The following NCOR2 variants were observed in gnomAD, a reference collection of about 807,000 sequenced individuals.
The protein encoded by NCOR2 is nuclear receptor corepressor 2.
A neutral mutation model predicts 262.9 loss-of-function variants in NCOR2; 81 were observed. The observed-to-expected ratio is 0.31, with a 90% CI of 0.26 to 0.37. The LOEUF (loss-of-function observed/expected upper bound fraction) is 0.37, where lower values mean the gene tolerates loss of function less well. Among genes scored for constraint, NCOR2 ranks in the 10% least tolerant of loss-of-function variants. The pLI is 1.00. For synonymous variants in NCOR2, 1,659 were observed against 1,559.3 expected, an observed-to-expected ratio of 1.06 and a Z score of -1.51; for missense variants, 3,385 against 3,621.4, an observed-to-expected ratio of 0.93 and a Z score of 1.68.
intron 20 of NCOR2, among the ~76,000 whole-genome samples, chr12:124,371,173 G>T (rs1421962345): frequency 2.6e-5 from 4 of 151,380 alleles, no homozygotes; most frequent in Non-Finnish European, 5.9e-5. Flanking sequence ...GCCCCCACCT[G>T]CCAGGGCGTG....
intron 3 of NCOR2, among the ~76,000 whole-genome samples, chr12:124,479,746 G>A (rs1427966534): frequency 1.3e-5 from 2 of 152,370 alleles, no homozygotes; most frequent in East Asian, 1.9e-4. Flanking sequence ...GCTAATGGGG[G>A]ATGCCAGGCA....
chr12:124,372,585 G>A (rs778906899), exon 20 of NCOR2: 18 of 1,598,124 alleles, frequency 1.1e-5, no homozygotes, highest in Admixed American at 5.0e-5. Context: ...GGATGCTCTC[G>A]GTGTCTGAGC....
At chr12:124,360,275 T>TA (rs2038445612) in intron 22 of NCOR2, among the ~76,000 whole-genome samples, 1 of 152,226 alleles carries the variant, frequency 6.6e-6, no homozygotes, top group Non-Finnish European at 1.5e-5. Context: ...AGCCCAGCCC[T>TA]GGTCATGGGG....
chr12:124,334,150 G>A (rs1231919643), intron 41 of NCOR2, among the ~76,000 whole-genome samples: 1 of 152,246 alleles, frequency 6.6e-6, no homozygotes, highest in Non-Finnish European at 1.5e-5. Context: ...TGTGAAATGG[G>A]GAGAATGCTG....
exon 46 of NCOR2, chr12:124,326,251 C>A: frequency 6.4e-7 from 1 of 1,554,358 alleles, no homozygotes; most frequent in East Asian, 2.4e-5. Context: ...CGGTTGCAGT[C>A]TCCCTCCGAG....
At chr12:124,385,031 G>T (rs2040694028) in intron 17 of NCOR2, among the ~76,000 whole-genome samples, 1 of 152,158 alleles carries the variant, frequency 6.6e-6, no homozygotes. Context: ...CAAAGAGGGA[G>T]AAAGGAGGGA....
chr12:124,349,690 C>G (rs764006183), intron 28 of NCOR2, among the ~76,000 whole-genome samples: 1 of 152,164 alleles, frequency 6.6e-6, no homozygotes, highest in Non-Finnish European at 1.5e-5. Context: ...ATGATGAAGA[C>G]GATACGCTGA....
upstream of NCOR2, chr12:124,538,984 A>C (rs2051204076): frequency 6.6e-6 from 1 of 152,304 alleles, no homozygotes; most frequent in Non-Finnish European, 1.5e-5. Context: ...CCAGGATCCA[A>C]ACCCAGGACC....
intron 13 of NCOR2, among the ~76,000 whole-genome samples, chr12:124,412,173 T>C (rs1405377795): frequency 6.6e-6 from 1 of 152,240 alleles, no homozygotes; most frequent in African/African-American, 2.4e-5. Context: ...AGACGTCCCA[T>C]GGCCAGCACT....
intron 3 of NCOR2, among the ~76,000 whole-genome samples, chr12:124,479,299 C>T (rs1254005432): frequency 6.6e-6 from 1 of 151,782 alleles, no homozygotes; most frequent in Non-Finnish European, 1.5e-5. Context: ...TGCACACTCA[C>T]GCACATGCAC....
chr12:124,340,603 T>A, exon 35 of NCOR2: 1 of 1,496,680 alleles, frequency 6.7e-7, no homozygotes, highest in Non-Finnish European at 8.9e-7. Flanking sequence ...TGGCGCTACC[T>A]GGGGAGAGTG....
At chr12:124,386,008 A>G (rs866585325) in intron 16 of NCOR2, 121 bp from the exon 19 acceptor site, 11 of 1,256,984 alleles carry the variant, frequency 8.8e-6, no homozygotes, top group Middle Eastern at 4.7e-4. Context: ...CTCCCTGCTC[A>G]GGCCCAGGAC....
rs2047553560 is a variant in NCOR2, at chr12:124,482,550, C to T, written c.411+1046G>A. On this transcript the variant is annotated intron_variant, in intron 3 of 46. Coordinates refer to ENST00000405201, the Ensembl canonical transcript of NCOR2. This position sits in a 1 kb window ranked among gnomAD's most constrained non-coding sequence, Gnocchi z 6.3. ...GGCCCACAGCCGAGCCCTCTACCCA[C>T]ATGACCAGGTGACACCCTGCCCACA... 6.6e-6 allele frequency among the ~76,000 whole-genome samples: 1 copy of T among 152,214 alleles called. No individual in the cohort carries two copies. The highest frequency in any genetic ancestry group is 2.4e-5 in the African/African-American group (1 of 41,454).
At chr12:124,492,241 C>T (rs898708326) in intron 1 of NCOR2, among the ~76,000 whole-genome samples, 17 of 152,210 alleles carry the variant, frequency 1.1e-4, no homozygotes, top group East Asian at 1.9e-4. Context: ...ATGACTACCC[C>T]GCGCTTGCTG....
intron 16 of NCOR2, among the ~76,000 whole-genome samples, chr12:124,393,610 A>C (rs1479102268): frequency 6.6e-6 from 1 of 152,162 alleles, no homozygotes; most frequent in East Asian, 1.9e-4. Context: ...TTACCTGGTC[A>C]ACAGGTTGGC....
At chr12:124,343,060 G>A (rs754614328) in exon 33 of NCOR2, 148 of 1,612,458 alleles carry the variant, frequency 9.2e-5, no homozygotes, top group Non-Finnish European at 1.2e-4. Context: ...CCAGGGGGAT[G>A]TGGCTGCGAT....
At chr12:124,398,434 C>T (rs527802625) in intron 15 of NCOR2, among the ~76,000 whole-genome samples, 2 of 152,362 alleles carry the variant, frequency 1.3e-5, no homozygotes, top group South Asian at 4.1e-4. Flanking sequence ...TTGGTCGGGG[C>T]CAACCTCCAC....
At position 124,407,906 on chromosome 12, in the gene NCOR2, G is replaced by A. The variant is rs143665665; in HGVS notation, c.1483-5345C>T. 4.8e-4 allele frequency among the ~76,000 whole-genome samples: 73 copies of A among 152,258 alleles called. No homozygotes were observed. In the East Asian group the frequency reaches 9.5e-3, roughly 20 times the overall value. ...GGTTGGTGTGGAAAGTGGGGCCAGG[G>A]GTCAGAGCCGAGGCAGAACAGGGTT... On this transcript the variant is annotated intron_variant, in intron 13 of 46. Transcript: ENST00000405201.
upstream of NCOR2, among the ~76,000 whole-genome samples, chr12:124,495,832 G>A (rs563042872): frequency 2.0e-5 from 3 of 152,118 alleles, no homozygotes; most frequent in South Asian, 2.1e-4. The surrounding 1 kb of genome is among the most constrained non-coding windows in gnomAD (Gnocchi z 4.4). Flanking sequence ...CAGCTCAGGC[G>A]GGCCACGGGC....
Sources: allele counts gnomAD v4.1 joint callset (sites outside exome capture counted in the v4.1 genomes callset), GRCh38; gene constraint gnomAD v4.1.1; non-coding constraint Gnocchi (gnomAD v3.1); transcripts MANE v1.5; gene names NCBI Gene and HGNC (gene_info 2026-07-23, HGNC 2026-07-21).